The following SDK1 variants were observed in gnomAD, a reference collection of about 807,000 sequenced individuals.
The protein encoded by SDK1 is protein sidekick-1.
A neutral mutation model predicts 245.5 loss-of-function variants in SDK1; 157 were observed. That is an observed-to-expected ratio of 0.64 (90% CI 0.56 to 0.73). The LOEUF is 0.73. Ranked by LOEUF, SDK1 falls within the 30% of genes least tolerant of loss-of-function variation. SDK1 has a pLI of 0.00. For synonymous variants in SDK1, 1,647 were observed against 1,278.5 expected (o/e 1.29, Z -6.15); for missense variants, 3,583 against 3,002.3 (o/e 1.19, Z -4.52).
intron 1 of SDK1, among the ~76,000 whole-genome samples, chr7:3,476,636 A>G (rs146733502): frequency 5.6e-4 from 85 of 152,246 alleles, no homozygotes; most frequent in African/African-American, 2.0e-3. Context: ...GATTTATTTT[A>G]TATGTTGAAA....
intron 1 of SDK1, among the ~76,000 whole-genome samples, chr7:3,403,869 A>ATATAAT (rs1554266408): frequency 2.2e-5 from 2 of 88,900 alleles, no homozygotes; most frequent in African/African-American, 4.5e-5. Context: ...ATATATATAT[A>ATATAAT]ATATATATAT....
At chr7:3,334,363 A>G (rs994742555) in intron 1 of SDK1, among the ~76,000 whole-genome samples, 6 of 152,316 alleles carry the variant, frequency 3.9e-5, no homozygotes, top group Non-Finnish European at 5.9e-5. Context: ...GGTGGAGCCT[A>G]CGCTTGAGAG....
chr7:4,210,237 C>T (rs1562437236), intron 38 of SDK1, 75 bp downstream of exon 38: 24 of 1,301,962 alleles, frequency 1.8e-5, no homozygotes, highest in Middle Eastern at 2.3e-4. Flanking sequence ...CACAGTGAGC[C>T]GCACCTGACC....
intron 4 of SDK1, among the ~76,000 whole-genome samples, chr7:3,807,089 A>C (rs1779268926): frequency 6.6e-6 from 1 of 152,184 alleles, no homozygotes; most frequent in Non-Finnish European, 1.5e-5. Context: ...GGAATTTATA[A>C]AGCCTTACCT....
At chr7:4,116,695 A>C (rs1401407874) in intron 25 of SDK1, among the ~76,000 whole-genome samples, 1 of 152,190 alleles carries the variant, frequency 6.6e-6, no homozygotes, top group Admixed American at 6.5e-5. Context: ...CTCAGAGGGC[A>C]GGAGGTGAGG....
intron 1 of SDK1, among the ~76,000 whole-genome samples, chr7:3,554,497 T>G (rs1027678684): frequency 6.6e-6 from 1 of 151,876 alleles, no homozygotes; most frequent in South Asian, 2.1e-4. Flanking sequence ...TGAGGAGAGA[T>G]AGAGAAAGAT....
At chr7:4,146,360 C>G (rs1450313916) in intron 29 of SDK1, among the ~76,000 whole-genome samples, 1 of 150,112 alleles carries the variant, frequency 6.7e-6, no homozygotes, top group Non-Finnish European at 1.5e-5. Flanking sequence ...TGCATTCACA[C>G]CTTCTGCCTC....
chr7:3,613,276 C>G (rs1042281377), intron 1 of SDK1, among the ~76,000 whole-genome samples: 1 of 152,284 alleles, frequency 6.6e-6, no homozygotes, highest in East Asian at 1.9e-4. Flanking sequence ...GATTTTTCCT[C>G]TGCAGATAGA....
At chr7:4,130,910 C>A (rs913893697) in intron 27 of SDK1, among the ~76,000 whole-genome samples, 1 of 152,138 alleles carries the variant, frequency 6.6e-6, no homozygotes, top group African/African-American at 2.4e-5. Flanking sequence ...TGCTGAGTAA[C>A]TAAATGAGCC....
At chr7:4,249,033 A>T (rs753002618) in intron 44 of SDK1, among the ~76,000 whole-genome samples, 6 of 152,180 alleles carry the variant, frequency 3.9e-5, no homozygotes, top group African/African-American at 7.2e-5. Flanking sequence ...ACATGCCTGC[A>T]CATATGCATA....
chr7:3,476,512 C>G lies in SDK1; in HGVS notation c.299-142568C>G, dbSNP rs995493090. Among the ~76,000 whole-genome samples the G allele has an allele frequency of 7.2e-5, 11 of 152,268 alleles. No individual in the cohort carries two copies. The South Asian group carries it at 1.2e-3, about 17-fold the overall frequency. On this transcript the variant is annotated intron_variant, in intron 1 of 44. Transcript: ENST00000404826. Reference sequence around the variant, plus strand: ...GAATGATACAACTTAGTGAAATCTTCTAATACCTTATTACCAAAAAGTTTG... The same window carrying G: ...GAATGATACAACTTAGTGAAATCTTGTAATACCTTATTACCAAAAAGTTTG...
intron 35 of SDK1, among the ~76,000 whole-genome samples, chr7:4,187,785 G>T (rs1584401228): frequency 6.6e-6 from 1 of 152,234 alleles, no homozygotes; most frequent in Non-Finnish European, 1.5e-5. Flanking sequence ...GAATGTGGGA[G>T]CTGGACAAAG....
intron 41 of SDK1, among the ~76,000 whole-genome samples, chr7:4,234,027 C>T (rs553450093): frequency 7.2e-5 from 11 of 152,314 alleles, no homozygotes; most frequent in South Asian, 2.1e-4. Context: ...TGTTAGCTGA[C>T]GCATCCTTGC....
At chr7:3,501,858 G>T (rs1055706645) in intron 1 of SDK1, among the ~76,000 whole-genome samples, 4 of 152,098 alleles carry the variant, frequency 2.6e-5, no homozygotes, top group African/African-American at 9.7e-5. Context: ...CTAAGATTCT[G>T]TATTATGAGC....
intron 4 of SDK1, among the ~76,000 whole-genome samples, chr7:3,678,223 T>G (rs1783970590): frequency 6.6e-6 from 1 of 152,220 alleles, no homozygotes; most frequent in Non-Finnish European, 1.5e-5. Flanking sequence ...GACCGTTGGT[T>G]GCTCAGAAAG....
At chr7:3,878,743 C>T (rs1781134660) in intron 5 of SDK1, among the ~76,000 whole-genome samples, 1 of 152,062 alleles carries the variant, frequency 6.6e-6, no homozygotes, top group Non-Finnish European at 1.5e-5. Context: ...TTTCTTCTCA[C>T]CCACCTTCTC....
intron 1 of SDK1, chr7:3,338,524 A>G: frequency 2.3e-6 from 1 of 435,280 alleles, no homozygotes; most frequent in Non-Finnish European, 4.4e-6. Context: ...GCCTGTTCCC[A>G]GAGAAGCACA....
chr7:3,860,518 G>A (rs2115116866), intron 5 of SDK1, among the ~76,000 whole-genome samples: 1 of 152,292 alleles, frequency 6.6e-6, no homozygotes, highest in South Asian at 2.1e-4. Flanking sequence ...CAAGTGTTGA[G>A]CAGGGTAAAA....
At chr7:3,428,200 C>A (rs1380975008) in intron 1 of SDK1, among the ~76,000 whole-genome samples, 2 of 152,182 alleles carry the variant, frequency 1.3e-5, no homozygotes, top group African/African-American at 2.4e-5. Flanking sequence ...GATCATGATA[C>A]AGATCTGTTA....
Sources: gnomAD v4.1 joint callset for allele counts (sites outside exome capture counted in the v4.1 genomes callset) on GRCh38, gnomAD v4.1.1 for gene constraint, MANE v1.5 for transcripts, NCBI Gene and HGNC (gene_info 2026-07-23, HGNC 2026-07-21) for gene names.